Variants in SPOCK1 observed in about 807,000 individuals in gnomAD.
SPOCK1 encodes the protein SPARC (osteonectin), cwcv and kazal like domains proteoglycan 1.
In SPOCK1, 23 loss-of-function variants were observed where a neutral mutation model predicts 55.3. That is an observed-to-expected ratio of 0.42 (90% confidence interval 0.30 to 0.59). The LOEUF is 0.59. Ranked by LOEUF, SPOCK1 falls within the 20% of genes least tolerant of loss-of-function variation. SPOCK1 has a pLI of 0.22. For synonymous variants in SPOCK1, 226 were observed against 221.0 expected (o/e 1.02, Z -0.20); for missense variants, 499 against 552.5 (o/e 0.90, Z 0.97).
intron 2 of SPOCK1, among the ~76,000 whole-genome samples, chr5:137,419,950 G>A (rs1044916453): frequency 1.3e-5 from 2 of 151,794 alleles, no homozygotes; most frequent in Admixed American, 1.3e-4. Context: ...GTCATAGATA[G>A]CTCTTACTGA....
intron 10 of SPOCK1, among the ~76,000 whole-genome samples, 157 bp downstream of exon 10, chr5:136,979,175 A>G (rs910234518): frequency 6.6e-6 from 1 of 152,160 alleles, no homozygotes; most frequent in Non-Finnish European, 1.5e-5. Context: ...AGCTAGCTAC[A>G]CGGGAGCTCA....
At chr5:137,173,080 G>T (rs139823701) in intron 3 of SPOCK1, among the ~76,000 whole-genome samples, 1 of 152,148 alleles carries the variant, frequency 6.6e-6, no homozygotes, top group African/African-American at 2.4e-5. Flanking sequence ...TAGTGGGAAT[G>T]CAGCTTCCAT....
intron 2 of SPOCK1, among the ~76,000 whole-genome samples, chr5:137,374,708 G>C (rs575068869): frequency 2.6e-5 from 4 of 152,156 alleles, no homozygotes; most frequent in African/African-American, 9.7e-5. Flanking sequence ...CCTTGCTGAG[G>C]GGAACACAGC....
intron 3 of SPOCK1, among the ~76,000 whole-genome samples, chr5:137,263,747 T>C (rs1756796469): frequency 6.6e-6 from 1 of 152,200 alleles, no homozygotes; most frequent in South Asian, 2.1e-4. Flanking sequence ...AAGGATATAC[T>C]ACTTATGCCA....
At chr5:137,174,907 A>ACTC (rs1471269569) in intron 3 of SPOCK1, among the ~76,000 whole-genome samples, 2 of 152,222 alleles carry the variant, frequency 1.3e-5, no homozygotes, top group South Asian at 2.1e-4. Context: ...AGCACCCCTC[A>ACTC]CTCTAGAAAT....
intron 5 of SPOCK1, among the ~76,000 whole-genome samples, chr5:137,090,003 A>G (rs568167534): frequency 1.3e-5 from 2 of 152,302 alleles, no homozygotes; most frequent in East Asian, 3.9e-4. Flanking sequence ...AGGTGTAAGC[A>G]CTAGGATCTA....
intron 9 of SPOCK1, among the ~76,000 whole-genome samples, chr5:136,982,293 A>AAAAAGAGTAT (rs1468375626): frequency 6.6e-5 from 10 of 152,250 alleles, no homozygotes; most frequent in African/African-American, 2.4e-4. Flanking sequence ...ATGTTGTTTA[A>AAAAAGAGTAT]AAAAGAGTAT....
chr5:137,016,121 A>G (rs998483843), intron 6 of SPOCK1, among the ~76,000 whole-genome samples: 3 of 152,138 alleles, frequency 2.0e-5, no homozygotes, highest in Non-Finnish European at 4.4e-5. Flanking sequence ...ACCCCACTGG[A>G]AAAAAGGCCG....
chr5:137,068,932 A>G (rs1752557840), intron 5 of SPOCK1, among the ~76,000 whole-genome samples: 1 of 152,172 alleles, frequency 6.6e-6, no homozygotes, highest in South Asian at 2.1e-4. Context: ...CCACATGCAT[A>G]TCTGGTGGAG....
chr5:137,021,699 GAATGC>G (rs1751576863), intron 6 of SPOCK1, among the ~76,000 whole-genome samples: 1 of 152,136 alleles, frequency 6.6e-6, no homozygotes. Flanking sequence ...CTCCAAAATG[GAATGC>G]AGTTATTCTA....
intron 6 of SPOCK1, among the ~76,000 whole-genome samples, chr5:136,995,396 C>A (rs935000890): frequency 3.3e-5 from 5 of 152,178 alleles, no homozygotes; most frequent in Admixed American, 3.3e-4. Flanking sequence ...AAGGCAGATC[C>A]TCAGGAGCAG....
rs1468188985 is a variant in SPOCK1, at chr5:137,023,958, G to GCA, written c.590-31359_590-31358insTG. On this transcript the variant is annotated intron_variant, in intron 6 of 10. Coordinates refer to ENST00000394945, the MANE Select transcript of SPOCK1 (RefSeq NM_004598.4). The stretch of plus-strand genomic sequence containing the variant: ...GATCTAATTAGCAAGTGTCAATATA[G>GCA]TATTTTTTTTTTTTTTTTTTGCTAA... Among the ~76,000 whole-genome samples, 522 of 71,626 alleles carry GCA rather than the reference G, an allele frequency of 7.3e-3. 4 individuals carry two copies. The highest frequency in any genetic ancestry group is 0.018 in the African/African-American group (504 of 27,968). 47.0% of individuals were successfully genotyped at this position (71,626 alleles called of 152,430 possible).
rs532405532 is a variant in SPOCK1, at chr5:137,024,318, G to GGGT, written c.590-31719_590-31718insACC. Reference sequence around the variant, plus strand: ...CACTAAATTGCACCAGTTTGAAGGGGGGGGGGTAGTTACAACTGACTGCTC... The same window carrying GGGT: ...CACTAAATTGCACCAGTTTGAAGGGGGGTGGGGGGTAGTTACAACTGACTGCTC... On this transcript the variant is annotated intron_variant, in intron 6 of 10. Coordinates refer to ENST00000394945, the MANE Select transcript of SPOCK1 (RefSeq NM_004598.4). Among the ~76,000 whole-genome samples the GGGT allele has an allele frequency of 2.0e-3, 292 of 148,832 alleles. 9 individuals carry two copies. Among genetic ancestry groups the GGGT allele is most frequent in the Admixed American group, 3.5e-3 (52 of 14,978 alleles).
chr5:137,358,390 A>AAAGG (rs143349157), intron 2 of SPOCK1, among the ~76,000 whole-genome samples: 12,525 of 116,298 alleles, frequency 0.11, 869 homozygotes, highest in African/African-American at 0.18. Flanking sequence ...TTCATGACGG[A>AAAGG]AAGGAAGGAA....
intron 3 of SPOCK1, among the ~76,000 whole-genome samples, chr5:137,203,881 G>GA (rs1755472777): frequency 6.6e-6 from 1 of 152,186 alleles, no homozygotes; most frequent in African/African-American, 2.4e-5. Flanking sequence ...GGACATTATG[G>GA]AAAATCCCTC....
intron 2 of SPOCK1, among the ~76,000 whole-genome samples, chr5:137,392,963 C>T (rs1454392195): frequency 2.0e-5 from 3 of 152,200 alleles, no homozygotes. Flanking sequence ...TTTCTCCTAA[C>T]ACATGATGCC....
chr5:137,020,560 T>G (rs1751545632), intron 6 of SPOCK1, among the ~76,000 whole-genome samples: 1 of 151,856 alleles, frequency 6.6e-6, no homozygotes, highest in African/African-American at 2.4e-5. Context: ...CCCAAAAGAC[T>G]GCAAAATTGG....
At chr5:137,314,930 C>T (rs1023326224) in intron 2 of SPOCK1, among the ~76,000 whole-genome samples, 1 of 152,148 alleles carries the variant, frequency 6.6e-6, no homozygotes, top group Non-Finnish European at 1.5e-5. Context: ...CCTACATGCA[C>T]CAGCTCAGTC....
At chr5:137,428,271 A>T (rs189228688) in intron 2 of SPOCK1, among the ~76,000 whole-genome samples, 1 of 152,312 alleles carries the variant, frequency 6.6e-6, no homozygotes, top group Admixed American at 6.5e-5. Flanking sequence ...TACAACAAAG[A>T]ACCTTCATTC....
Sources: allele counts gnomAD v4.1 joint callset (sites outside exome capture counted in the v4.1 genomes callset), GRCh38; gene constraint gnomAD v4.1.1; transcripts MANE v1.5; gene names NCBI Gene and HGNC (gene_info 2026-07-23, HGNC 2026-07-21).